Variants in FBXO17 observed in about 807,000 individuals in gnomAD.
The protein encoded by FBXO17 is F-box only protein 17.
In FBXO17, 43 loss-of-function variants were observed where a neutral mutation model predicts 34.1. The observed-to-expected ratio is 1.26, with a 90% confidence interval of 0.99 to 1.62. The LOEUF is 1.62. Among genes scored for constraint, FBXO17 ranks in the 40% most tolerant of loss-of-function variants. FBXO17 has a pLI of 0.00. For synonymous variants in FBXO17, 169 were observed against 166.0 expected, an observed-to-expected ratio of 1.02 and a Z score of -0.14; for missense variants, 424 against 386.7, an observed-to-expected ratio of 1.10 and a Z score of -0.81.
chr19:38,961,724 C>T (rs1017758823), intron 1 of FBXO17, among the ~76,000 whole-genome samples: 1 of 151,884 alleles, frequency 6.6e-6, no homozygotes, highest in South Asian at 2.1e-4. Flanking sequence ...TGCAGGGGCG[C>T]GATTTCGGCT....
chr19:38,963,882 C>G (rs1975287015), intron 1 of FBXO17, among the ~76,000 whole-genome samples: 1 of 151,712 alleles, frequency 6.6e-6, no homozygotes, highest in Admixed American at 6.6e-5. Context: ...CTCCCGGGTT[C>G]AAGCAGTTCT....
Position 38,950,044 on chromosome 19 carries a change from C to A in FBXO17, c.276G>T (p.Pro92=). Residue 92 remains proline, a synonymous_variant, in exon 2 of 6, where the codon CCG becomes CCT. Coordinates refer to ENST00000292852, the MANE Select transcript of FBXO17 (RefSeq NM_024907.7). ...GACAGTAGCGCGCCAGGGCGCACAG[C>A]GGGAACTCCTCCTTGTCTTCGTTGC... ...LPSNEDKEEF[P]LCALARYCLR... is the part of the protein sequence containing the mutation. The A allele has an allele frequency of 1.3e-6, 2 of 1,567,678 alleles. No homozygotes were observed. The highest frequency in any genetic ancestry group is 2.3e-5 in the South Asian group (2 of 85,472).
rs566464111 is a variant in FBXO17, at chr19:38,949,857, G to A, written c.349+114C>T. ...CTGCGTCCCTCAGCCCCGCCCCCTG[G>A]CTCCTCCAGCGGTCTCGCCCATTGG... On this transcript the variant is annotated intron_variant, in intron 2 of 5. Transcript: ENST00000292852. The A allele has an allele frequency of 5.8e-4, 737 of 1,261,952 alleles. 4 individuals are homozygous for A. The highest frequency in any genetic ancestry group is 4.8e-3 in the Middle Eastern group (17 of 3,572). 78.2% of individuals were successfully genotyped at this position (1,261,952 alleles called of 1,614,324 possible).
At chr19:38,967,713 C>T (rs997488652) in intron 1 of FBXO17, among the ~76,000 whole-genome samples, 1 of 151,994 alleles carries the variant, frequency 6.6e-6, no homozygotes, top group Admixed American at 6.6e-5. Context: ...TACAGATGCA[C>T]CCACCACCAC....
Position 38,942,582 on chromosome 19 carries a change from G to T in FBXO17, c.*26C>A. The T allele has an allele frequency of 6.6e-7, 1 of 1,522,090 alleles. No individual in the cohort carries two copies. Among genetic ancestry groups the T allele is most frequent in the South Asian group, 1.3e-5 (1 of 77,208 alleles). The allele number at this position is 1,522,090 out of a possible 1,614,324, so 94.3% of individuals were successfully genotyped here. On this transcript the variant is annotated 3_prime_UTR_variant, in exon 6 of 6. Transcript: ENST00000292852. ...CCTGGCTGCAAGGCTGGTCTTGACTGACAACGTCAGGCAGTAGTCCAGTCG... is the reference window on the plus strand; with the variant it reads ...CCTGGCTGCAAGGCTGGTCTTGACTTACAACGTCAGGCAGTAGTCCAGTCG...
intron 1 of FBXO17, among the ~76,000 whole-genome samples, chr19:38,973,170 C>T (rs1157680766): frequency 6.6e-6 from 1 of 151,918 alleles, no homozygotes; most frequent in African/African-American, 2.4e-5. Context: ...GTCAGGAGTT[C>T]GAGACCAGGC....
chr19:38,974,192 C>T (rs1216771263), intron 1 of FBXO17, among the ~76,000 whole-genome samples: 1 of 151,372 alleles, frequency 6.6e-6, no homozygotes, highest in Non-Finnish European at 1.5e-5. Flanking sequence ...AGCGATTCTC[C>T]TTCCTCAGCC....
intron 1 of FBXO17, among the ~76,000 whole-genome samples, chr19:38,970,648 T>A (rs1001230575): frequency 6.6e-6 from 1 of 152,184 alleles, no homozygotes; most frequent in South Asian, 2.1e-4. Flanking sequence ...AGGAGCTGAC[T>A]TGAGCTGTCA....
At position 38,974,018 on chromosome 19, in the gene FBXO17, G is replaced by GTATATA. The variant is rs143909681; in HGVS notation, c.-18+1562_-18+1567dup. 2.5e-3 allele frequency among the ~76,000 whole-genome samples: 321 copies of GTATATA among 129,178 alleles called. 2 individuals carry two copies. The highest frequency in any genetic ancestry group is 8.2e-3 in the African/African-American group (296 of 36,138). The allele number at this position is 129,178 out of a possible 152,430, so 84.7% of individuals were successfully genotyped here. A position where few individuals can be genotyped will look rare whatever the true frequency, so the allele number is the denominator to read the frequency against. On this transcript the variant is annotated intron_variant, in intron 1 of 5. Coordinates refer to ENST00000292852, the MANE Select transcript of FBXO17 (RefSeq NM_024907.7). ...GAGACAGGGTCTCAAATATATATGT[G>GTATATA]TATATATATATATACATATATATAT...
chr19:38,946,194 T>G, intron 4 of FBXO17: 2 of 491,692 alleles, frequency 4.1e-6, no homozygotes, highest in South Asian at 2.5e-5. Context: ...TCAGGGGAGG[T>G]GTCTCGTTTC....
chr19:38,954,576 G>GTAT (rs1479089986), intron 1 of FBXO17, among the ~76,000 whole-genome samples: 1 of 112,084 alleles, frequency 8.9e-6, no homozygotes, highest in Non-Finnish European at 1.8e-5. Context: ...GGCCGAGAAT[G>GTAT]TGTTTTTTTT....
intron 1 of FBXO17, among the ~76,000 whole-genome samples, chr19:38,960,500 A>C (rs1248051037): frequency 6.6e-6 from 1 of 150,646 alleles, no homozygotes; most frequent in African/African-American, 2.5e-5. Context: ...CTACTTTCGG[A>C]AACAAACCAA....
At chr19:38,949,743 C>T (rs1287857080) in intron 2 of FBXO17, 13 of 592,966 alleles carry the variant, frequency 2.2e-5, no homozygotes, top group Middle Eastern at 4.5e-4. Flanking sequence ...CCCGGCCCAG[C>T]CAGGGTCTTC....
chr19:38,942,630 C>T lies in FBXO17; in HGVS notation c.815G>A (p.Arg272Lys). Reference sequence around the variant, plus strand: ...TCGCTAGGACAGACGGATCCTGACCCTCACACTGGAGTGGGTCACAAGGGC... The same window carrying T: ...TCGCTAGGACAGACGGATCCTGACCTTCACACTGGAGTGGGTCACAAGGGC... ...YGALVTHSSVRVRIRLS is the reference protein window; with the variant it reads ...YGALVTHSSVKVRIRLS Residue 272 changes from arginine (R) to lysine (K), a missense_variant, in exon 6 of 6, where the codon AGG (arginine) becomes AAG (lysine). Arg to Lys is a conservative substitution (Grantham distance 26). Transcript: ENST00000292852. 1.3e-6 allele frequency: 2 copies of T among 1,586,424 alleles called. No homozygotes were observed. Among genetic ancestry groups the T allele is most frequent in the South Asian group, 1.2e-5 (1 of 86,680 alleles).
At position 38,963,321 on chromosome 19, in the gene FBXO17, G is replaced by T. The variant is rs1975278561; in HGVS notation, c.-18+12265C>A. ...ACTTTTTTTTTTTTTTTGAGGCAGG[G>T]TCTCACTCTGTTGCCCAGGCTGGAG... On this transcript the variant is annotated intron_variant, in intron 1 of 5. Coordinates refer to ENST00000292852, the MANE Select transcript of FBXO17 (RefSeq NM_024907.7). Among the ~76,000 whole-genome samples the T allele has an allele frequency of 2.0e-5, 3 of 150,898 alleles. 1 individual carries two copies. In the South Asian group the frequency reaches 6.3e-4, roughly 32 times the overall value.
rs1478474099 is a variant in FBXO17 at position 38,950,099 on chromosome 19, A to T, written c.221T>A (p.Leu74His). The T allele has an allele frequency of 2.6e-6, 4 of 1,564,714 alleles. No individual in the cohort carries two copies. In the Admixed American group the frequency reaches 5.6e-5, roughly 22 times the overall value. Residue 74 changes from leucine (L) to histidine (H), a missense_variant, in exon 2 of 6, where the codon CTC becomes CAC. Physicochemically the swap from Leu to His is moderately conservative, Grantham distance 99. Coordinates refer to ENST00000292852, the MANE Select transcript of FBXO17 (RefSeq NM_024907.7). ...ARDRSAEGRA[L>H]YAVAQRCLPS... ...CAGGCAGCGTTGAGCCACTGCGTAG[A>T]GTGCGCGGCCCTCGGCGCTGCGGTC...
At chr19:38,953,452 C>A (rs2144822257) in intron 1 of FBXO17, among the ~76,000 whole-genome samples, 1 of 152,154 alleles carries the variant, frequency 6.6e-6, no homozygotes, top group African/African-American at 2.4e-5. Context: ...CACTTGAGGT[C>A]AGTAGTTTGA....
chr19:38,951,949 C>G (rs537346111), intron 1 of FBXO17, among the ~76,000 whole-genome samples: 1 of 149,422 alleles, frequency 6.7e-6, no homozygotes, highest in South Asian at 2.1e-4. Flanking sequence ...ACGCTCGGCC[C>G]GAGTTTGGCT....
chr19:38,949,242 C>T (rs1219702219), intron 2 of FBXO17, among the ~76,000 whole-genome samples: 2 of 152,154 alleles, frequency 1.3e-5, no homozygotes, highest in Non-Finnish European at 1.5e-5. Flanking sequence ...GCTGGGATTA[C>T]AGGCGTGCAC....
Sources: gnomAD v4.1 joint callset for allele counts (sites outside exome capture counted in the v4.1 genomes callset) on GRCh38, gnomAD v4.1.1 for gene constraint, MANE v1.5 for transcripts, NCBI Gene and HGNC (gene_info 2026-07-23, HGNC 2026-07-21) for gene names.